The following FAT4 variants were observed in gnomAD, a reference collection of about 807,000 sequenced individuals.
The protein encoded by FAT4 is protocadherin Fat 4.
A neutral mutation model predicts 303.9 loss-of-function variants in FAT4; 84 were observed. That is an observed-to-expected ratio of 0.28 (90% confidence interval 0.23 to 0.33). The LOEUF (loss-of-function observed/expected upper bound fraction) is 0.33. FAT4 is among the 10% of genes least tolerant of loss of function. The pLI, the probability that FAT4 is intolerant of heterozygous loss-of-function variation, is 1.00. For synonymous variants in FAT4, 2,307 were observed against 2,298.8 expected (o/e 1.00, Z -0.10); for missense variants, 6,005 against 6,146.8 (o/e 0.98, Z 0.77).
chr4:125,473,845 GA>G (rs539310324), intron 12 of FAT4, among the ~76,000 whole-genome samples: 2 of 151,858 alleles, frequency 1.3e-5, no homozygotes, highest in African/African-American at 4.8e-5. Flanking sequence ...TACCAAATGT[GA>G]AAAAAACTCT....
intron 3 of FAT4, 120 bp downstream of exon 3, chr4:125,399,035 C>T: frequency 1.3e-6 from 1 of 799,672 alleles, no homozygotes; most frequent in Non-Finnish European, 2.0e-6. Context: ...GTGCTCCTTT[C>T]CAAAGAACAT....
At chr4:125,422,345 G>C (rs1193434648) in intron 7 of FAT4, among the ~76,000 whole-genome samples, 2 of 152,172 alleles carry the variant, frequency 1.3e-5, no homozygotes, top group Non-Finnish European at 2.9e-5. Flanking sequence ...TGGTTTGCCT[G>C]TGTGTCCACC....
chr4:125,442,669 G>T (rs1725698838), intron 8 of FAT4, among the ~76,000 whole-genome samples: 1 of 151,976 alleles, frequency 6.6e-6, no homozygotes, highest in Non-Finnish European at 1.5e-5. Flanking sequence ...TTTGTGTTCA[G>T]ACTTGAGACC....
At chr4:125,362,920 C>T (rs1732727186) in intron 2 of FAT4, 1 of 151,714 alleles carries the variant, frequency 6.6e-6, no homozygotes, top group Non-Finnish European at 1.5e-5. Context: ...CTGCACTTGA[C>T]TAGTCAAAAA....
intron 2 of FAT4, among the ~76,000 whole-genome samples, chr4:125,395,610 C>A (rs762521634): frequency 6.6e-6 from 1 of 152,116 alleles, no homozygotes; most frequent in African/African-American, 2.4e-5. Flanking sequence ...TGAACCACCG[C>A]GCCCGGCCAT....
chr4:125,339,155 C>G (rs1731678541), intron 2 of FAT4, among the ~76,000 whole-genome samples: 1 of 152,110 alleles, frequency 6.6e-6, no homozygotes, highest in Admixed American at 6.5e-5. Context: ...CTCTCTACAA[C>G]ATTATCAACA....
At chr4:125,467,198 T>C (rs1295315647) in intron 11 of FAT4, among the ~76,000 whole-genome samples, 2 of 152,198 alleles carry the variant, frequency 1.3e-5, no homozygotes, top group Non-Finnish European at 2.9e-5. Context: ...TTAAAAATGT[T>C]CTGATATAAC....
At chr4:125,323,670 T>G (rs565406111) in intron 2 of FAT4, among the ~76,000 whole-genome samples, 1 of 152,314 alleles carries the variant, frequency 6.6e-6, no homozygotes, top group African/African-American at 2.4e-5. Context: ...GAATTTCATA[T>G]TATTATTGGT....
chr4:125,406,951 C>G lies in FAT4; in HGVS notation c.5379C>G (p.Ser1793=), dbSNP rs202160050. The G allele has an allele frequency of 1.2e-6, 2 of 1,613,748 alleles. No homozygotes were observed. Among genetic ancestry groups the G allele is most frequent in the Admixed American group, 1.7e-5 (1 of 59,954 alleles). ...ATAGTTTTCGCATCGACCCAGAATC[C>G]GGAGATCTGATAGCAACCAGGCGGT... ...ADDSFRIDPE[S]GDLIATRRLD... The change falls in exon 4 of 18, where the codon TCC becomes TCG. Residue 1793 remains serine, a synonymous_variant. Coordinates refer to ENST00000394329, the MANE Select transcript of FAT4 (RefSeq NM_001291303.3).
At chr4:125,347,150 C>A in intron 2 of FAT4, among the ~76,000 whole-genome samples, 1 of 151,306 alleles carries the variant, frequency 6.6e-6, no homozygotes, top group Non-Finnish European at 1.5e-5. Context: ...TACTAATAGG[C>A]ATTTTTTCCA....
rs139955277 is a variant in FAT4 at position 125,331,526 on chromosome 4, G to A, written c.5175+9940G>A. The stretch of plus-strand genomic sequence containing the variant: ...AACCCAAACTTCAGAAACATTTATG[G>A]TGTCTGTGAAGGAAAGTGGGACCAC... On this transcript the variant is annotated intron_variant, in intron 2 of 17. Coordinates refer to ENST00000394329, the MANE Select transcript of FAT4 (RefSeq NM_001291303.3). Among the ~76,000 whole-genome samples, 267 of 152,260 alleles carry A rather than the reference G, an allele frequency of 1.8e-3. 1 individual carries two copies. Among genetic ancestry groups the A allele is most frequent in the African/African-American group, 5.8e-3 (243 of 41,556 alleles).
At chr4:125,388,218 A>G (rs1733837080) in intron 2 of FAT4, among the ~76,000 whole-genome samples, 1 of 152,210 alleles carries the variant, frequency 6.6e-6, no homozygotes, top group South Asian at 2.1e-4. Context: ...CAAAAAAGGC[A>G]AGGAGAAAAA....
intron 12 of FAT4, among the ~76,000 whole-genome samples, chr4:125,470,564 G>A (rs1276491356): frequency 6.6e-6 from 1 of 152,088 alleles, no homozygotes; most frequent in South Asian, 2.1e-4. Flanking sequence ...GCTTTGCTTT[G>A]TCCTACTACC....
At chr4:125,433,597 A>G (rs1048439268) in intron 7 of FAT4, among the ~76,000 whole-genome samples, 2 of 152,254 alleles carry the variant, frequency 1.3e-5, no homozygotes, top group Non-Finnish European at 2.9e-5. Flanking sequence ...CAGCTGGAAC[A>G]GGAAATAAAA....
intron 7 of FAT4, among the ~76,000 whole-genome samples, chr4:125,421,658 A>T (rs938897722): frequency 2.0e-5 from 3 of 152,174 alleles, no homozygotes; most frequent in Admixed American, 1.3e-4. Flanking sequence ...GTTTTTAAAG[A>T]AAGCTACATA....
chr4:125,336,562 T>C (rs1731584828), intron 2 of FAT4, among the ~76,000 whole-genome samples: 1 of 152,062 alleles, frequency 6.6e-6, no homozygotes, highest in African/African-American at 2.4e-5. Context: ...AAGACCTTTC[T>C]TTCATTTTAA....
rs1725740722 is a variant in FAT4, at chr4:125,443,841, G to A, written c.7200-2452G>A. Among the ~76,000 whole-genome samples, 3 of 152,238 alleles carry A rather than the reference G, an allele frequency of 2.0e-5. No homozygotes were observed. The South Asian group carries it at 6.2e-4, about 32-fold the overall frequency. ...TAGAACCAAGCCTCAAGTAAGAGATGTGGCAAAAATCTAGACATATTATCT... is the reference window on the plus strand; with the variant it reads ...TAGAACCAAGCCTCAAGTAAGAGATATGGCAAAAATCTAGACATATTATCT... On this transcript the variant is annotated intron_variant, in intron 8 of 17. Transcript: ENST00000394329.
At chr4:125,341,715 A>G (rs1270575511) in intron 2 of FAT4, among the ~76,000 whole-genome samples, 4 of 152,076 alleles carry the variant, frequency 2.6e-5, no homozygotes, top group Non-Finnish European at 5.9e-5. Flanking sequence ...GTAACATTCT[A>G]TATGTAACAG....
At chr4:125,349,881 C>T (rs937447959) in intron 2 of FAT4, among the ~76,000 whole-genome samples, 3 of 146,520 alleles carry the variant, frequency 2.0e-5, no homozygotes, top group African/African-American at 7.5e-5. Flanking sequence ...ATTCAGAGTG[C>T]TTCAGTTGGG....
Sources: allele counts gnomAD v4.1 joint callset (sites outside exome capture counted in the v4.1 genomes callset), GRCh38; gene constraint gnomAD v4.1.1; transcripts MANE v1.5; gene names NCBI Gene and HGNC (gene_info 2026-07-23, HGNC 2026-07-21).